CACNA1C: variants seen among roughly 807,000 people sequenced by gnomAD.
The protein encoded by CACNA1C is voltage-dependent L-type calcium channel subunit alpha-1C.
A neutral mutation model predicts 229.0 loss-of-function variants in CACNA1C; 30 were observed. The ratio of observed to expected loss-of-function variants is 0.13; its 90% confidence interval spans 0.10 to 0.18. The LOEUF is 0.18. Ranked by LOEUF, CACNA1C falls within the 10% of genes least tolerant of loss-of-function variation. CACNA1C has a pLI of 1.00. For missense variants in CACNA1C, 1,658 were observed against 2,845.0 expected (o/e 0.58, Z 9.49); for synonymous variants, 1,114 against 1,132.5 (o/e 0.98, Z 0.33).
intron 3 of CACNA1C, among the ~76,000 whole-genome samples, chr12:2,179,234 A>AGTGTT: frequency 6.6e-6 from 1 of 152,206 alleles, no homozygotes; most frequent in East Asian, 1.9e-4. Context: ...GATTCCAGGC[A>AGTGTT]CTCATGGCTG....
intron 22 of CACNA1C, among the ~76,000 whole-genome samples, chr12:2,604,042 A>G (rs1198966902): frequency 6.6e-6 from 1 of 151,794 alleles, no homozygotes; most frequent in African/African-American, 2.4e-5. Flanking sequence ...GGGTCGGGGC[A>G]GGATCCCGTC....
At chr12:2,313,160 G>A (rs1216239017) in intron 3 of CACNA1C, among the ~76,000 whole-genome samples, 3 of 152,208 alleles carry the variant, frequency 2.0e-5, no homozygotes, top group Non-Finnish European at 4.4e-5. Flanking sequence ...CCACCATCCA[G>A]CTTGGGCTTC....
At chr12:2,003,245 T>TA (rs559831382) in intron 1 of CACNA1C, among the ~76,000 whole-genome samples, 2 of 151,918 alleles carry the variant, frequency 1.3e-5, no homozygotes, top group Non-Finnish European at 2.9e-5. Flanking sequence ...ATGTGGGTGT[T>TA]AAAAAAAATA....
chr12:2,089,770 G>C (rs57155854), intron 1 of CACNA1C, among the ~76,000 whole-genome samples: 4,504 of 152,234 alleles, frequency 0.03, 196 homozygotes, highest in African/African-American at 0.096. Context: ...CGCGGTGGCT[G>C]ACACCTGTAA....
intron 3 of CACNA1C, among the ~76,000 whole-genome samples, chr12:2,405,736 C>T (rs2098730930): frequency 1.3e-5 from 2 of 152,200 alleles, no homozygotes; most frequent in African/African-American, 4.8e-5. Context: ...TTAGGTATTT[C>T]CTCCACACAC....
chr12:2,491,521 G>A (rs2099733656), intron 6 of CACNA1C, among the ~76,000 whole-genome samples: 2 of 147,204 alleles, frequency 1.4e-5, no homozygotes, highest in African/African-American at 5.1e-5. Flanking sequence ...GGAGGAGGAG[G>A]CCACAAAGAT....
At chr12:2,626,198 A>G (rs1381469176) in intron 29 of CACNA1C, among the ~76,000 whole-genome samples, 1 of 152,166 alleles carries the variant, frequency 6.6e-6, no homozygotes, top group Admixed American at 6.5e-5. Flanking sequence ...CCCCACAGCC[A>G]CCTCTGCCCA....
intron 3 of CACNA1C, among the ~76,000 whole-genome samples, chr12:2,183,704 G>A (rs967433031): frequency 6.6e-5 from 10 of 152,246 alleles, no homozygotes; most frequent in Non-Finnish European, 1.0e-4. Flanking sequence ...AAGGCCCCAG[G>A]GCCAGCCCTG....
intron 3 of CACNA1C, among the ~76,000 whole-genome samples, chr12:2,284,275 T>C (rs2092218680): frequency 6.6e-6 from 1 of 151,536 alleles, no homozygotes; most frequent in Non-Finnish European, 1.5e-5. Flanking sequence ...AGCTGAATTC[T>C]CTAGAACAGA....
intron 3 of CACNA1C, among the ~76,000 whole-genome samples, chr12:2,262,202 C>T (rs1013424397): frequency 4.6e-5 from 7 of 152,236 alleles, no homozygotes; most frequent in Non-Finnish European, 7.3e-5. Flanking sequence ...TGACTTGGTC[C>T]TCCCATCAGG....
At chr12:2,056,196 A>AGTGTGTGTGT (rs138718348) in intron 1 of CACNA1C, among the ~76,000 whole-genome samples, 2 of 146,014 alleles carry the variant, frequency 1.4e-5, no homozygotes, top group Non-Finnish European at 3.0e-5. Context: ...AGTGTGTGTG[A>AGTGTGTGTGT]GTGTGTGTGT....
chr12:2,426,905 C>G (rs751373708), intron 3 of CACNA1C, among the ~76,000 whole-genome samples: 1 of 152,180 alleles, frequency 6.6e-6, no homozygotes, highest in Admixed American at 6.5e-5. Flanking sequence ...CAAGGCTTCA[C>G]GTGGCCTACG....
In CACNA1C at chr12:2,287,836, C is replaced by T. The variant is rs936946360; in HGVS notation, c.478-161140C>T. ...TCCCAGGTGACTCGCTGCTGCTGGC[C>T]TGGGACCACACTTTGGAAATCACGA... On this transcript the variant is annotated intron_variant, in intron 3 of 46. Coordinates refer to ENST00000399655, the MANE Select transcript of CACNA1C (RefSeq NM_000719.7). This position sits in a 1 kb window ranked among gnomAD's most constrained non-coding sequence, Gnocchi z 4.6. 2.0e-5 allele frequency among the ~76,000 whole-genome samples: 3 copies of T among 152,162 alleles called. No individual in the cohort carries two copies. In the East Asian group the frequency reaches 5.8e-4, roughly 29 times the overall value.
chr12:2,203,891 C>G (rs1252732137), intron 3 of CACNA1C, among the ~76,000 whole-genome samples: 2 of 152,168 alleles, frequency 1.3e-5, no homozygotes, highest in African/African-American at 4.8e-5. Context: ...ATCTCAGGGC[C>G]CAGGTCCCCG....
At chr12:2,407,874 T>G (rs958309838) in intron 3 of CACNA1C, among the ~76,000 whole-genome samples, 19 of 152,246 alleles carry the variant, frequency 1.2e-4, no homozygotes, top group Non-Finnish European at 1.0e-4. Context: ...AATCCTTTGC[T>G]TATTTTTATA....
intron 1 of CACNA1C, among the ~76,000 whole-genome samples, chr12:2,026,020 C>G (rs1258495915): frequency 6.6e-6 from 1 of 152,128 alleles, no homozygotes; most frequent in Non-Finnish European, 1.5e-5. Flanking sequence ...TTTGAAAGAC[C>G]AGAAGAAAGC....
intron 3 of CACNA1C, among the ~76,000 whole-genome samples, chr12:2,192,489 A>C (rs962061761): frequency 2.6e-5 from 4 of 152,200 alleles, no homozygotes; most frequent in Non-Finnish European, 5.9e-5. Flanking sequence ...TTCCACAGGG[A>C]GAGGGGCAGT....
intron 42 of CACNA1C, chr12:2,680,525 C>T (rs2097092405): frequency 1.3e-6 from 2 of 1,574,432 alleles, no homozygotes; most frequent in African/African-American, 1.4e-5. Flanking sequence ...GCTGCTCTTC[C>T]AGAGTAGGAG....
At chr12:2,524,203 C>A (rs1169705469) in intron 9 of CACNA1C, among the ~76,000 whole-genome samples, 2 of 152,222 alleles carry the variant, frequency 1.3e-5, no homozygotes, top group African/African-American at 2.4e-5. Flanking sequence ...CCTCCTAGAG[C>A]CACATGCATG....
Sources: gnomAD v4.1 joint callset for allele counts (sites outside exome capture counted in the v4.1 genomes callset) on GRCh38, gnomAD v4.1.1 for gene constraint, Gnocchi (gnomAD v3.1) non-coding constraint, MANE v1.5 for transcripts, NCBI Gene and HGNC (gene_info 2026-07-23, HGNC 2026-07-21) for gene names.